Variants in FGF12 observed in about 807,000 individuals in gnomAD.
FGF12 encodes the protein fibroblast growth factor 12B.
In FGF12, 14 loss-of-function variants were observed where a neutral mutation model predicts 23.6. The observed-to-expected ratio is 0.59, with a 90% CI of 0.39 to 0.93. FGF12 has a LOEUF of 0.93. FGF12 is among the 40% of genes least tolerant of loss of function. FGF12 has a pLI of 0.00. For missense variants in FGF12, 175 were observed against 217.8 expected, an observed-to-expected ratio of 0.80 and a Z score of 1.24; for synonymous variants, 62 against 77.3, an observed-to-expected ratio of 0.80 and a Z score of 1.04.
At chr3:192,643,734 T>C (rs1715889904) in intron 2 of FGF12, among the ~76,000 whole-genome samples, 1 of 152,184 alleles carries the variant, frequency 6.6e-6, no homozygotes, top group African/African-American at 2.4e-5. Flanking sequence ...TATCAGTATA[T>C]AAATTATAAA....
chr3:192,643,229 C>A (rs1715871816), intron 2 of FGF12, among the ~76,000 whole-genome samples: 1 of 151,610 alleles, frequency 6.6e-6, no homozygotes, highest in Non-Finnish European at 1.5e-5. Flanking sequence ...GAATATATAT[C>A]CATTTATCTA....
intron 4 of FGF12, among the ~76,000 whole-genome samples, chr3:192,283,259 A>G (rs1522277): frequency 0.4 from 60,360 of 151,964 alleles, 13,243 homozygotes; most frequent in East Asian, 0.9. Context: ...TATTTATGTT[A>G]TTTATAATAG....
intron 5 of FGF12, among the ~76,000 whole-genome samples, chr3:192,167,757 ATATATATATATAAAAT>A (rs1442529997): frequency 6.5e-5 from 2 of 30,574 alleles, no homozygotes; most frequent in Non-Finnish European, 1.2e-4. Context: ...ATATATATAT[ATATATATATATAAAAT>A]TTTTTTTTTT....
chr3:192,707,982 C>T (rs769950430), intron 2 of FGF12, among the ~76,000 whole-genome samples: 26 of 151,592 alleles, frequency 1.7e-4, no homozygotes, highest in African/African-American at 2.7e-4. Context: ...ATTTTTGAGA[C>T]GGAGTCTCGC....
intron 2 of FGF12, among the ~76,000 whole-genome samples, chr3:192,712,002 T>A (rs1718704042): frequency 6.9e-6 from 1 of 145,028 alleles, no homozygotes; most frequent in African/African-American, 2.5e-5. Context: ...TTAGAAAATA[T>A]CGCATCTGTG....
chr3:192,557,641 A>C (rs1711843139), intron 2 of FGF12, among the ~76,000 whole-genome samples: 1 of 151,926 alleles, frequency 6.6e-6, no homozygotes, highest in Non-Finnish European at 1.5e-5. Context: ...TATATTCCCA[A>C]TGAATACATA....
chr3:192,497,433 T>C lies in FGF12; in HGVS notation c.14-136895A>G, dbSNP rs188958613. Among the ~76,000 whole-genome samples, 143 of 152,338 alleles carry C rather than the reference T, an allele frequency of 9.4e-4. 1 individual carries two copies. Among genetic ancestry groups the C allele is most frequent in the African/African-American group, 3.2e-3 (134 of 41,584 alleles). ...GTCTCCCTGTTAGAGTCTGTTTTCA[T>C]AGTGCAGACAGAGGGATCCGTTTAT... On this transcript the variant is annotated intron_variant, in intron 2 of 5. Transcript: ENST00000445105.
At chr3:192,164,702 A>T (rs866796135) in intron 5 of FGF12, among the ~76,000 whole-genome samples, 10 of 152,296 alleles carry the variant, frequency 6.6e-5, no homozygotes, top group Middle Eastern at 3.4e-3. Flanking sequence ...TCACAAAGGA[A>T]GGGCTCATTT....
chr3:192,579,427 C>T (rs1713042751), intron 2 of FGF12, among the ~76,000 whole-genome samples: 1 of 152,152 alleles, frequency 6.6e-6, no homozygotes, highest in Non-Finnish European at 1.5e-5. Flanking sequence ...CATATATATT[C>T]CTGAACAAGG....
intron 2 of FGF12, among the ~76,000 whole-genome samples, chr3:192,626,832 T>G (rs1340684042): frequency 6.6e-6 from 1 of 152,178 alleles, no homozygotes; most frequent in Non-Finnish European, 1.5e-5. Context: ...GATGTCGAAC[T>G]CCTGGCCTCA....
intron 2 of FGF12, among the ~76,000 whole-genome samples, chr3:192,592,944 C>A (rs1713688422): frequency 6.6e-6 from 1 of 151,902 alleles, no homozygotes; most frequent in Non-Finnish European, 1.5e-5. Context: ...CCTGCCATTA[C>A]AATAATGGTC....
intron 2 of FGF12, among the ~76,000 whole-genome samples, chr3:192,590,185 G>A (rs1248746200): frequency 6.6e-6 from 1 of 151,810 alleles, no homozygotes; most frequent in African/African-American, 2.4e-5. Flanking sequence ...ATTAATGAGT[G>A]TAAAACTAGA....
rs554994494 is a variant in FGF12, at chr3:192,710,243, AG to A, written c.13+16937del. 1.2e-4 allele frequency among the ~76,000 whole-genome samples: 19 copies of A among 152,262 alleles called. 1 individual carries two copies. The South Asian group carries it at 3.9e-3, about 32-fold the overall frequency. On this transcript the variant is annotated intron_variant, in intron 2 of 5. Transcript: ENST00000445105. ...AGAGTATCTTTCCATGGGGTTATTT[AG>A]TATTTTTGGATGTAAGTATTTAGTA...
At chr3:192,376,196 T>C (rs901495394) in intron 2 of FGF12, among the ~76,000 whole-genome samples, 2 of 152,034 alleles carry the variant, frequency 1.3e-5, no homozygotes, top group Non-Finnish European at 2.9e-5. Flanking sequence ...ATGTTTTCCA[T>C]CTATTAATCT....
chr3:192,470,992 C>T (rs1375394666), intron 2 of FGF12, among the ~76,000 whole-genome samples: 2 of 152,138 alleles, frequency 1.3e-5, no homozygotes, highest in Non-Finnish European at 2.9e-5. Flanking sequence ...ACCTCTCCTC[C>T]ACCCTTTATT....
chr3:192,400,333 T>C (rs969033404), intron 2 of FGF12, among the ~76,000 whole-genome samples: 2 of 151,104 alleles, frequency 1.3e-5, no homozygotes, highest in Non-Finnish European at 2.9e-5. Flanking sequence ...CATTAAACAA[T>C]AAATAAAACC....
At position 192,250,433 on chromosome 3, in the gene FGF12, A is replaced by C. The variant is rs141196863; in HGVS notation, c.229-79777T>G. On this transcript the variant is annotated intron_variant, in intron 4 of 5. Coordinates refer to ENST00000445105, the MANE Select transcript of FGF12 (RefSeq NM_004113.6). Reference sequence around the variant, plus strand: ...ACCAAAGAATGTTCTACATTTAATTAACCACTTAATATTTACACCTTGAGA... The same window carrying C: ...ACCAAAGAATGTTCTACATTTAATTCACCACTTAATATTTACACCTTGAGA... Among the ~76,000 whole-genome samples, 1,006 of 152,326 alleles carry C rather than the reference A, an allele frequency of 6.6e-3. 4 individuals carry two copies. Among genetic ancestry groups the C allele is most frequent in the African/African-American group, 0.023 (963 of 41,584 alleles).
intron 4 of FGF12, among the ~76,000 whole-genome samples, chr3:192,298,684 T>C (rs1234246): frequency 4.6e-5 from 7 of 152,042 alleles, no homozygotes; most frequent in Admixed American, 4.6e-4. Flanking sequence ...GAGGTGGAGG[T>C]TGCAGTGAGC....
At chr3:192,256,186 C>A (rs78597546) in intron 4 of FGF12, among the ~76,000 whole-genome samples, 1 of 151,960 alleles carries the variant, frequency 6.6e-6, no homozygotes. Flanking sequence ...GCAAATTAGT[C>A]ATTTACTTTG....
Sources: gnomAD v4.1 joint callset for allele counts (sites outside exome capture counted in the v4.1 genomes callset) on GRCh38, gnomAD v4.1.1 for gene constraint, MANE v1.5 for transcripts, NCBI Gene and HGNC (gene_info 2026-07-23, HGNC 2026-07-21) for gene names.